The following MAP3K20 variants were observed in gnomAD, a reference collection of about 807,000 sequenced individuals.
The protein encoded by MAP3K20 is mitogen-activated protein kinase kinase kinase 20.
In MAP3K20, 40 loss-of-function variants were observed where a neutral mutation model predicts 85.7. That is an observed-to-expected ratio of 0.47 (90% confidence interval 0.36 to 0.61). The LOEUF is 0.61. MAP3K20 is among the 20% of genes least tolerant of loss of function. MAP3K20 has a pLI of 0.00. For synonymous variants in MAP3K20, 325 were observed against 327.7 expected (o/e 0.99, Z 0.09); for missense variants, 817 against 961.7 (o/e 0.85, Z 1.99).
chr2:173,088,420 T>A (rs1472403080), intron 1 of MAP3K20, among the ~76,000 whole-genome samples: 7 of 152,180 alleles, frequency 4.6e-5, no homozygotes, highest in Non-Finnish European at 1.0e-4. Flanking sequence ...GAGAACTAAA[T>A]TCTTGTCTTC....
chr2:173,205,028 G>A (rs1157987210), intron 9 of MAP3K20, among the ~76,000 whole-genome samples: 2 of 151,126 alleles, frequency 1.3e-5, no homozygotes, highest in East Asian at 2.0e-4. Flanking sequence ...GCATGAACCC[G>A]GGAGGCGGAG....
At chr2:173,243,903 G>T (rs1684856679) in intron 16 of MAP3K20, among the ~76,000 whole-genome samples, 1 of 152,204 alleles carries the variant, frequency 6.6e-6, no homozygotes, top group Non-Finnish European at 1.5e-5. Context: ...TGGGATTACA[G>T]GCGTGAGTCA....
intron 2 of MAP3K20, among the ~76,000 whole-genome samples, chr2:173,134,172 C>T (rs1299330847): frequency 6.8e-6 from 1 of 147,846 alleles, no homozygotes; most frequent in African/African-American, 2.5e-5. Context: ...TTAAGACACC[C>T]TCCTTGTTTT....
At chr2:173,251,896 T>A (rs1264163005) in intron 16 of MAP3K20, among the ~76,000 whole-genome samples, 1 of 152,262 alleles carries the variant, frequency 6.6e-6, no homozygotes, top group East Asian at 1.9e-4. Context: ...TGTTTCTTTC[T>A]GAAATATCCT....
At chr2:173,216,890 G>C (rs1638892995) in intron 10 of MAP3K20, among the ~76,000 whole-genome samples, 2 of 152,176 alleles carry the variant, frequency 1.3e-5, no homozygotes, top group Admixed American at 1.3e-4. Context: ...CTGCACCCCA[G>C]TGGCCCTTCA....
intron 2 of MAP3K20, among the ~76,000 whole-genome samples, chr2:173,137,458 A>G (rs1288691498): frequency 6.6e-6 from 1 of 152,096 alleles, no homozygotes; most frequent in East Asian, 1.9e-4. Flanking sequence ...AGACAGAAGC[A>G]TCCATTTTAA....
At chr2:173,152,361 G>A (rs1689333287) in intron 2 of MAP3K20, among the ~76,000 whole-genome samples, 2 of 152,164 alleles carry the variant, frequency 1.3e-5, no homozygotes, top group Admixed American at 1.3e-4. Context: ...TTTTAGTGAT[G>A]ATTATAGGCT....
At chr2:173,083,610 G>A (rs1030745170) in intron 1 of MAP3K20, among the ~76,000 whole-genome samples, 6 of 152,000 alleles carry the variant, frequency 3.9e-5, no homozygotes, top group Admixed American at 1.3e-4. Flanking sequence ...TTGGTGTTAC[G>A]GACAAATACA....
intron 8 of MAP3K20, among the ~76,000 whole-genome samples, chr2:173,199,005 A>G (rs1315835555): frequency 6.6e-6 from 1 of 152,234 alleles, no homozygotes; most frequent in Non-Finnish European, 1.5e-5. Context: ...TTGCAATGCA[A>G]AACTACTTTA....
At position 173,170,663 on chromosome 2, in the gene MAP3K20, A is replaced by G. The variant is rs146015758; in HGVS notation, c.247+771A>G. Among the ~76,000 whole-genome samples, 547 of 152,350 alleles carry G rather than the reference A, an allele frequency of 3.6e-3. 5 individuals are homozygous for G. The highest frequency in any genetic ancestry group is 0.012 in the African/African-American group (498 of 41,586). The stretch of plus-strand genomic sequence containing the variant: ...AGAGGTGAGAACCTGGATTGTCTTT[A>G]TAGAAAATAACAACAAAACACCCTC... On this transcript the variant is annotated intron_variant, in intron 3 of 19. Coordinates refer to ENST00000375213, the MANE Select transcript of MAP3K20 (RefSeq NM_016653.3).
intron 12 of MAP3K20, among the ~76,000 whole-genome samples, chr2:173,230,063 C>G (rs1238659089): frequency 6.6e-6 from 1 of 152,128 alleles, no homozygotes; most frequent in Non-Finnish European, 1.5e-5. Flanking sequence ...AACTCCTGAC[C>G]TCAAGTGACG....
chr2:173,231,454 T>C (rs954475032), intron 12 of MAP3K20, among the ~76,000 whole-genome samples: 1 of 152,250 alleles, frequency 6.6e-6, no homozygotes, highest in African/African-American at 2.4e-5. Context: ...TCTTTATCCC[T>C]AGCTGCAGAG....
At chr2:173,092,701 T>C (rs1687334684) in intron 2 of MAP3K20, among the ~76,000 whole-genome samples, 1 of 152,234 alleles carries the variant, frequency 6.6e-6, no homozygotes, top group South Asian at 2.1e-4. Flanking sequence ...CATGTTCTTA[T>C]ATGATTGTTC....
At chr2:173,111,719 C>A (rs558650825) in intron 2 of MAP3K20, among the ~76,000 whole-genome samples, 1 of 152,028 alleles carries the variant, frequency 6.6e-6, no homozygotes, top group South Asian at 2.1e-4. Context: ...GCTTTGTTGA[C>A]GATCAGTTGG....
At chr2:173,223,023 T>C (rs1684293354) in intron 11 of MAP3K20, 1 of 985,464 alleles carries the variant, frequency 1.0e-6, no homozygotes, top group Non-Finnish European at 1.2e-6. Context: ...GACATCATCA[T>C]AGATATGATC....
chr2:173,128,312 C>CCTATTTAT (rs1553567019), intron 2 of MAP3K20, among the ~76,000 whole-genome samples: 6 of 145,828 alleles, frequency 4.1e-5, no homozygotes, highest in Admixed American at 2.1e-4. Context: ...TTATAGTTGA[C>CCTATTTAT]TTATTTATTT....
chr2:173,133,858 G>T (rs1331745462), intron 2 of MAP3K20, among the ~76,000 whole-genome samples: 5 of 151,802 alleles, frequency 3.3e-5, no homozygotes, highest in Non-Finnish European at 7.4e-5. Context: ...GGGCATGGTG[G>T]TGGGCACCTG....
intron 16 of MAP3K20, among the ~76,000 whole-genome samples, chr2:173,244,106 TTG>T (rs1360686373): frequency 6.6e-6 from 1 of 151,892 alleles, no homozygotes; most frequent in Non-Finnish European, 1.5e-5. Context: ...CGGAATTAGA[TTG>T]TGTCACTAGC....
chr2:173,119,593 C>T (rs1688221010), intron 2 of MAP3K20, among the ~76,000 whole-genome samples: 1 of 152,186 alleles, frequency 6.6e-6, no homozygotes, highest in South Asian at 2.1e-4. Context: ...TATCACGAGG[C>T]AGCACAAAAC....
Sources: gnomAD v4.1 joint callset for allele counts (sites outside exome capture counted in the v4.1 genomes callset) on GRCh38, gnomAD v4.1.1 for gene constraint, MANE v1.5 for transcripts, NCBI Gene and HGNC (gene_info 2026-07-23, HGNC 2026-07-21) for gene names.